Variants in DSCAML1 observed in about 807,000 individuals in gnomAD.
The protein encoded by DSCAML1 is DS cell adhesion molecule like 1, also known as cell adhesion molecule DSCAML1.
A neutral mutation model predicts 200.5 loss-of-function variants in DSCAML1; 38 were observed. The observed-to-expected ratio is 0.19, with a 90% CI of 0.15 to 0.25. The LOEUF is 0.25. DSCAML1 is among the 10% of genes least tolerant of loss of function. The pLI is 1.00. For missense variants in DSCAML1, 2,223 were observed against 2,858.8 expected (o/e 0.78, Z 5.07); for synonymous variants, 1,215 against 1,165.0 (o/e 1.04, Z -0.87).
intron 3 of DSCAML1, among the ~76,000 whole-genome samples, chr11:117,614,960 T>A (rs1269648991): frequency 6.6e-6 from 1 of 152,188 alleles, no homozygotes; most frequent in East Asian, 1.9e-4. Context: ...GGCGGGGACC[T>A]CTGATGCCAA....
At chr11:117,679,359 G>T (rs1027702054) in intron 3 of DSCAML1, among the ~76,000 whole-genome samples, 1 of 152,232 alleles carries the variant, frequency 6.6e-6, no homozygotes, top group Non-Finnish European at 1.5e-5. Context: ...TCCCCAGAGA[G>T]GGTCAGGGGA....
chr11:117,790,471 T>C (rs1341944823), intron 1 of DSCAML1, among the ~76,000 whole-genome samples: 1 of 152,214 alleles, frequency 6.6e-6, no homozygotes, highest in East Asian at 1.9e-4. Context: ...AAATTCTCCA[T>C]ATGTTGGGGC....
At chr11:117,698,891 C>A (rs757317974) in intron 3 of DSCAML1, among the ~76,000 whole-genome samples, 5 of 152,214 alleles carry the variant, frequency 3.3e-5, no homozygotes, top group African/African-American at 4.8e-5. Flanking sequence ...AGAAGGTATT[C>A]CATTGCTCTG....
intron 3 of DSCAML1, among the ~76,000 whole-genome samples, chr11:117,572,994 C>A (rs1433978608): frequency 6.6e-6 from 1 of 152,200 alleles, no homozygotes; most frequent in Non-Finnish European, 1.5e-5. Flanking sequence ...ATGGTGATAA[C>A]AGCACTTTCA....
At chr11:117,795,248 G>T (rs924153219) in intron 1 of DSCAML1, among the ~76,000 whole-genome samples, 37 of 152,184 alleles carry the variant, frequency 2.4e-4, no homozygotes, top group Non-Finnish European at 4.6e-4. Flanking sequence ...GACAAAGCCG[G>T]GCTAGAGTGT....
At position 117,438,923 on chromosome 11, in the gene DSCAML1, G is replaced by A; in HGVS notation, c.4205C>T (p.Thr1402Ile). 1 of 1,609,100 alleles carries A rather than the reference G, an allele frequency of 6.2e-7. No individual in the cohort carries two copies. The change falls in exon 24 of 33, where the codon ACC (threonine) becomes ATC (isoleucine). Residue 1402 changes from threonine (T) to isoleucine (I), a missense_variant. Physicochemically the swap from Thr to Ile is moderately conservative, Grantham distance 89. This residue lies in a region of DSCAML1 where 614 missense variants were observed against 739.1 expected (regional missense o/e 0.83). Transcript: ENST00000651296. ...GCCCCCATTGTCACCTGGAATCCAG[G>A]TCAGGGTGATGGACGAAGCTGAGGT... is the stretch of plus-strand genomic sequence containing the variant. The part of the protein sequence containing the change: ...SKTSASSITL[T>I]WIPGDNGGSS...
chr11:117,741,762 T>C (rs543600984), intron 3 of DSCAML1, among the ~76,000 whole-genome samples: 1 of 152,360 alleles, frequency 6.6e-6, no homozygotes, highest in South Asian at 2.1e-4. Context: ...ACTCTGGTTC[T>C]GGGCCTCTGC....
chr11:117,497,981 A>G (rs2137261893), intron 11 of DSCAML1, among the ~76,000 whole-genome samples: 1 of 152,316 alleles, frequency 6.6e-6, no homozygotes, highest in Middle Eastern at 3.4e-3. Flanking sequence ...GGAAGAGCAG[A>G]GGGGGTGACC....
chr11:117,556,085 T>C (rs1029936852), intron 3 of DSCAML1, among the ~76,000 whole-genome samples: 5 of 152,178 alleles, frequency 3.3e-5, no homozygotes, highest in Admixed American at 6.5e-5. Flanking sequence ...TGCCCCAGTT[T>C]CCACATTTGT....
At chr11:117,815,036 C>T (rs1352050290) in intron 1 of DSCAML1, among the ~76,000 whole-genome samples, 1 of 152,200 alleles carries the variant, frequency 6.6e-6, no homozygotes. Context: ...GCTCCTGGCT[C>T]GGGGCCAAGC....
chr11:117,611,357 TTG>T (rs2051688669), intron 3 of DSCAML1: 1 of 152,232 alleles, frequency 6.6e-6, no homozygotes, highest in African/African-American at 2.4e-5. Flanking sequence ...AGTATTATTC[TTG>T]CCACAGGAGC....
chr11:117,623,262 C>A, intron 3 of DSCAML1, among the ~76,000 whole-genome samples: 1 of 131,884 alleles, frequency 7.6e-6, no homozygotes, highest in Non-Finnish European at 1.5e-5. Context: ...GTCACTCAGG[C>A]TGGGAGTGCA....
chr11:117,600,659 G>A lies in DSCAML1; in HGVS notation c.512-68137C>T, dbSNP rs114507671. On this transcript the variant is annotated intron_variant, in intron 3 of 32. Coordinates refer to ENST00000651296, the MANE Select transcript of DSCAML1 (RefSeq NM_020693.4). ...AGTGACAATTAGGCCCATTCAGAGT[G>A]GAGTCATTTGCATGCAAGTCCTCAC... Among the ~76,000 whole-genome samples, 204 of 152,342 alleles carry A rather than the reference G, an allele frequency of 1.3e-3. 2 individuals carry two copies. Among genetic ancestry groups the A allele is most frequent in the African/African-American group, 4.7e-3 (196 of 41,578 alleles).
At chr11:117,582,353 C>T (rs2051054581) in intron 3 of DSCAML1, among the ~76,000 whole-genome samples, 1 of 152,166 alleles carries the variant, frequency 6.6e-6, no homozygotes. Context: ...AACTCAGCAA[C>T]TAGCACACCA....
Position 117,504,097 on chromosome 11 carries a change from A to C in DSCAML1, c.2183-76T>G, listed in dbSNP as rs1592673972. 2.0e-5 allele frequency: 31 copies of C among 1,525,962 alleles called. No homozygotes were observed. In the East Asian group the frequency reaches 7.0e-4, roughly 35 times the overall value. 94.5% of individuals were successfully genotyped at this position (1,525,962 alleles called of 1,614,324 possible). A position where few individuals can be genotyped will look rare whatever the true frequency, so the allele number is the denominator to read the frequency against. ...TGAGAGTGCCCCAGGAGTGGCCCTG[A>C]CACCTCGCTCTTGCAGATCTAGGGC... On this transcript the variant is annotated intron_variant, in intron 10 of 32. Coordinates refer to ENST00000651296, the MANE Select transcript of DSCAML1 (RefSeq NM_020693.4). This position sits in a 1 kb window ranked among gnomAD's most constrained non-coding sequence, Gnocchi z 5.0.
chr11:117,475,348 G>T (rs2048769453), intron 14 of DSCAML1, among the ~76,000 whole-genome samples: 1 of 152,094 alleles, frequency 6.6e-6, no homozygotes, highest in African/African-American at 2.4e-5. Context: ...TTCAATAGTT[G>T]TTCCTTGTTC....
At chr11:117,546,902 G>A (rs1345629603) in intron 3 of DSCAML1, among the ~76,000 whole-genome samples, 1 of 152,152 alleles carries the variant, frequency 6.6e-6, no homozygotes, top group Admixed American at 6.5e-5. Context: ...CCTTTCAAAT[G>A]ACTTGTACAC....
At chr11:117,817,224 A>G (rs2055818412) in intron 1 of DSCAML1, among the ~76,000 whole-genome samples, 1 of 152,196 alleles carries the variant, frequency 6.6e-6, no homozygotes, top group African/African-American at 2.4e-5. Flanking sequence ...CCCATTGCCC[A>G]AGGCCAGCAC....
At chr11:117,552,397 G>T (rs1276437472) in intron 3 of DSCAML1, among the ~76,000 whole-genome samples, 1 of 151,930 alleles carries the variant, frequency 6.6e-6, no homozygotes, top group Non-Finnish European at 1.5e-5. Flanking sequence ...GCACTTTCCT[G>T]TCCAGGCCCT....
Sources: allele counts gnomAD v4.1 joint callset (sites outside exome capture counted in the v4.1 genomes callset), GRCh38; gene constraint gnomAD v4.1.1; regional missense constraint gnomAD v4.1.1; non-coding constraint Gnocchi (gnomAD v3.1); transcripts MANE v1.5; gene names NCBI Gene and HGNC (gene_info 2026-07-23, HGNC 2026-07-21).